The following PARG variants were observed in gnomAD, a reference collection of about 807,000 sequenced individuals.
PARG encodes the protein poly(ADP-ribose) glycohydrolase, also known as mitochondrial poly(ADP-ribose) glycohydrolase.
A neutral mutation model predicts 113.0 loss-of-function variants in PARG; 35 were observed. That is an observed-to-expected ratio of 0.31 (90% CI 0.24 to 0.41). PARG has a LOEUF of 0.41. Ranked by LOEUF, PARG falls within the 10% of genes least tolerant of loss-of-function variation. The pLI is 1.00. For missense variants in PARG, 797 were observed against 1,169.4 expected (o/e 0.68, Z 4.64); for synonymous variants, 330 against 409.9 (o/e 0.81, Z 2.36).
intron 9 of PARG, among the ~76,000 whole-genome samples, chr10:49,876,762 C>A (rs1281541044): frequency 6.6e-6 from 1 of 150,666 alleles, no homozygotes; most frequent in African/African-American, 2.4e-5. Flanking sequence ...TTCTCTGTAA[C>A]CTTATGGCAC....
At chr10:49,881,215 G>T (rs1357162895) in intron 8 of PARG, among the ~76,000 whole-genome samples, 37 of 152,098 alleles carry the variant, frequency 2.4e-4, no homozygotes, top group African/African-American at 8.7e-4. Context: ...TGTATTGATT[G>T]ATGTCTTATG....
intron 1 of PARG, among the ~76,000 whole-genome samples, chr10:49,935,693 C>T (rs1163760781): frequency 6.6e-6 from 1 of 152,022 alleles, no homozygotes; most frequent in Non-Finnish European, 1.5e-5. Flanking sequence ...GGTAAGATTT[C>T]TTCGGAAAAG....
At chr10:49,906,159 T>TTTTTTTTTA (rs4012651) in intron 7 of PARG, among the ~76,000 whole-genome samples, 2 of 142,276 alleles carry the variant, frequency 1.4e-5, no homozygotes, top group South Asian at 2.3e-4. Flanking sequence ...TTTTTTTTTT[T>TTTTTTTTTA]CCCAGTAGAA....
At chr10:49,841,893 A>G (rs1845259199) in intron 15 of PARG, 57 bp downstream of exon 15, 1 of 1,068,786 alleles carries the variant, frequency 9.4e-7, no homozygotes, top group Non-Finnish European at 1.4e-6. Flanking sequence ...CAGCATTAAT[A>G]AAATGGCAGT....
At chr10:49,918,185 G>T (rs1837608631) in intron 6 of PARG, among the ~76,000 whole-genome samples, 1 of 152,178 alleles carries the variant, frequency 6.6e-6, no homozygotes, top group South Asian at 2.1e-4. Flanking sequence ...TCTGTATCTT[G>T]ATTATAATGG....
chr10:49,849,873 G>A lies in PARG; in HGVS notation c.2354-6241C>T, dbSNP rs543523776. Among the ~76,000 whole-genome samples the A allele has an allele frequency of 9.5e-4, 145 of 151,904 alleles. 1 individual carries two copies. Among genetic ancestry groups the A allele is most frequent in the Admixed American group, 8.4e-3 (128 of 15,274 alleles). On this transcript the variant is annotated intron_variant, in intron 13 of 17. Transcript: ENST00000616448. ...ACTGAAAATTAAAAAAAAAAGTTAG[G>A]TGGGTGCAGTGGTGTGAGCCTGCAG...
intron 10 of PARG, chr10:49,867,138 A>G (rs1385804688): frequency 1.3e-5 from 2 of 151,584 alleles, no homozygotes; most frequent in Non-Finnish European, 2.9e-5. Context: ...GTCGTCTGGG[A>G]ACACTATCAG....
At chr10:49,829,090 G>A (rs1352779174) in intron 16 of PARG, among the ~76,000 whole-genome samples, 2 of 152,052 alleles carry the variant, frequency 1.3e-5, no homozygotes, top group African/African-American at 4.8e-5. Context: ...CAAAAAATTA[G>A]CTGGGCGTGG....
At chr10:49,826,516 TTAAC>T (rs1330723839) in intron 16 of PARG, among the ~76,000 whole-genome samples, 2 of 152,198 alleles carry the variant, frequency 1.3e-5, no homozygotes, top group Non-Finnish European at 2.9e-5. Context: ...TTTCTGGAGT[TTAAC>T]TATCTTGATT....
At chr10:49,832,979 G>T (rs1420578187) in intron 15 of PARG, 71 bp from the exon 16 acceptor site, 3 of 705,354 alleles carry the variant, frequency 4.3e-6, no homozygotes, top group African/African-American at 3.7e-5. Context: ...TGATGTACTA[G>T]GATCAGTGTC....
intron 14 of PARG, 150 bp downstream of exon 14, chr10:49,843,404 T>A: frequency 1.6e-6 from 1 of 640,016 alleles, no homozygotes; most frequent in Non-Finnish European, 2.8e-6. Context: ...GTGTTTTCAA[T>A]GCCAATGAAC....
At chr10:49,826,119 C>T (rs547873988) in intron 16 of PARG, among the ~76,000 whole-genome samples, 11 of 152,200 alleles carry the variant, frequency 7.2e-5, no homozygotes, top group African/African-American at 2.4e-4. Context: ...GGATACTCAA[C>T]CTGTAAGAAA....
At chr10:49,929,736 G>A (rs1196128297) in intron 4 of PARG, among the ~76,000 whole-genome samples, 3 of 150,660 alleles carry the variant, frequency 2.0e-5, no homozygotes, top group African/African-American at 4.9e-5. Flanking sequence ...TGAGGCAGGA[G>A]AATTGCTTGA....
At chr10:49,888,075 T>G (rs776468301) in intron 7 of PARG, among the ~76,000 whole-genome samples, 1 of 152,176 alleles carries the variant, frequency 6.6e-6, no homozygotes, top group Non-Finnish European at 1.5e-5. Flanking sequence ...AGGACTGCAT[T>G]ACATATAACT....
chr10:49,861,394 TACA>T (rs1182428794), intron 12 of PARG, among the ~76,000 whole-genome samples, 191 bp downstream of exon 12: 1 of 146,364 alleles, frequency 6.8e-6, no homozygotes, highest in Non-Finnish European at 1.5e-5. Flanking sequence ...ACAGAGAGTA[TACA>T]CTGGCAAATC....
intron 15 of PARG, among the ~76,000 whole-genome samples, chr10:49,838,780 C>T (rs1554831631): frequency 6.6e-6 from 1 of 152,084 alleles, no homozygotes; most frequent in Non-Finnish European, 1.5e-5. Flanking sequence ...ATAAATTAGA[C>T]TTTATTGCAT....
chr10:49,922,975 C>A lies in PARG; in HGVS notation c.1456-306G>T, dbSNP rs530624702. ...TAGACACATCTAGCCCCCATAAAAC[C>A]CTTTCTAAAGAACTCCCAGGCTTCT... On this transcript the variant is annotated intron_variant, in intron 4 of 17. Coordinates refer to ENST00000616448, the MANE Select transcript of PARG (RefSeq NM_003631.5). Among the ~76,000 whole-genome samples the A allele has an allele frequency of 1.5e-3, 233 of 152,284 alleles. 2 individuals carry two copies. The highest frequency in any genetic ancestry group is 5.1e-3 in the African/African-American group (210 of 41,562).
intron 16 of PARG, among the ~76,000 whole-genome samples, chr10:49,830,621 A>T (rs963708118): frequency 6.6e-6 from 1 of 152,218 alleles, no homozygotes; most frequent in African/African-American, 2.4e-5. Context: ...ACTCCCAAAG[A>T]GATGAATGGG....
intron 7 of PARG, 99 bp downstream of exon 7, chr10:49,915,818 A>G: frequency 1.5e-6 from 1 of 668,372 alleles, no homozygotes. Flanking sequence ...TAAAACTAAA[A>G]GATAATTATC....
Sources: allele counts gnomAD v4.1 joint callset (sites outside exome capture counted in the v4.1 genomes callset), GRCh38; gene constraint gnomAD v4.1.1; transcripts MANE v1.5; gene names NCBI Gene and HGNC (gene_info 2026-07-23, HGNC 2026-07-21).